Variants in ZPBP observed in about 807,000 individuals in gnomAD.
The protein encoded by ZPBP is zona pellucida-binding protein 1.
A neutral mutation model predicts 44.8 loss-of-function variants in ZPBP; 26 were observed. The observed-to-expected ratio is 0.58, with a 90% confidence interval of 0.43 to 0.81. The LOEUF (loss-of-function observed/expected upper bound fraction) is 0.81. Among genes scored for constraint, ZPBP ranks in the 30% least tolerant of loss-of-function variants. ZPBP has a pLI of 0.00. For missense variants in ZPBP, 409 were observed against 434.0 expected (o/e 0.94, Z 0.51); for synonymous variants, 174 against 153.2 (o/e 1.14, Z -1.00).
intron 6 of ZPBP, among the ~76,000 whole-genome samples, chr7:50,011,934 T>C (rs1798603039): frequency 6.6e-6 from 1 of 150,802 alleles, no homozygotes; most frequent in African/African-American, 2.4e-5. Flanking sequence ...AGAAGGCTGA[T>C]GCAGGACAAT....
At chr7:50,062,399 G>A (rs56178570) in intron 3 of ZPBP, among the ~76,000 whole-genome samples, 7,163 of 152,212 alleles carry the variant, frequency 0.047, 187 homozygotes, top group African/African-American at 0.067. Flanking sequence ...AAAGCCAGAG[G>A]TAACACACTA....
downstream of ZPBP, among the ~76,000 whole-genome samples, chr7:49,937,026 T>C (rs192528704): frequency 1.8e-3 from 267 of 152,240 alleles, 3 homozygotes; most frequent in African/African-American, 6.0e-3. Flanking sequence ...ACAGGGTGGT[T>C]GGAACTAGGC....
At chr7:49,941,873 G>A (rs2128753547) in intron 7 of ZPBP, among the ~76,000 whole-genome samples, 1 of 152,200 alleles carries the variant, frequency 6.6e-6, no homozygotes, top group East Asian at 1.9e-4. Flanking sequence ...CTACAAAGCT[G>A]CAATAATCAA....
chr7:49,855,177 T>G lies in ZPBP; in HGVS notation n.510-4663A>C, dbSNP rs903150251. Among the ~76,000 whole-genome samples, 5 of 152,232 alleles carry G rather than the reference T, an allele frequency of 3.3e-5. No homozygotes were observed. In the South Asian group the frequency reaches 1.0e-3, roughly 32 times the overall value. On this transcript the variant is annotated intron_variant and non_coding_transcript_variant, in intron 2 of 2. Coordinates refer to the ZPBP transcript ENST00000465922. The stretch of plus-strand genomic sequence containing the variant: ...TTAATAGTTAATGCAATTATCATAT[T>G]TCTTAGTTCCCAAAAGGCAAATCTT...
At chr7:50,033,981 C>T (rs1290990238) in intron 4 of ZPBP, among the ~76,000 whole-genome samples, 1 of 152,152 alleles carries the variant, frequency 6.6e-6, no homozygotes, top group Non-Finnish European at 1.5e-5. Flanking sequence ...GTGTAAGCCA[C>T]TGTGCCCGGC....
intron 2 of ZPBP, among the ~76,000 whole-genome samples, chr7:49,866,068 G>C (rs145028980): frequency 6.6e-6 from 1 of 152,224 alleles, no homozygotes; most frequent in East Asian, 1.9e-4. Flanking sequence ...CCAGTGGAGA[G>C]ATTAGAAATG....
At chr7:49,921,700 A>G (rs544795946) in intron 1 of ZPBP, 3 of 152,366 alleles carry the variant, frequency 2.0e-5, no homozygotes, top group Admixed American at 6.5e-5. Context: ...GAACATTTTG[A>G]AGATTCTAAT....
At chr7:49,889,817 G>T (rs980669683) in intron 2 of ZPBP, among the ~76,000 whole-genome samples, 1 of 152,066 alleles carries the variant, frequency 6.6e-6, no homozygotes, top group Admixed American at 6.5e-5. Context: ...GGTCTTTAAC[G>T]ATAACAAATA....
chr7:50,086,764 G>A (rs1802675614), intron 2 of ZPBP, among the ~76,000 whole-genome samples: 1 of 151,750 alleles, frequency 6.6e-6, no homozygotes, highest in East Asian at 1.9e-4. Flanking sequence ...GGGAGAGAGA[G>A]AAAAAGAATT....
chr7:49,980,116 T>A (rs1796754300), intron 7 of ZPBP, among the ~76,000 whole-genome samples: 1 of 103,316 alleles, frequency 9.7e-6, no homozygotes, highest in South Asian at 2.8e-4. Flanking sequence ...ATAATATAAT[T>A]TTATATTATA....
chr7:50,020,503 C>T (rs1799039599), intron 5 of ZPBP, among the ~76,000 whole-genome samples: 1 of 151,964 alleles, frequency 6.6e-6, no homozygotes, highest in South Asian at 2.1e-4. Context: ...TATATCCATC[C>T]CCACCATATC....
intron 2 of ZPBP, chr7:49,850,663 A>G (rs1261666574): frequency 1.3e-5 from 2 of 152,246 alleles, no homozygotes; most frequent in African/African-American, 4.8e-5. Flanking sequence ...AGGAGATGTA[A>G]TGCCATCTTC....
intron 7 of ZPBP, among the ~76,000 whole-genome samples, chr7:49,939,337 G>C (rs756754697): frequency 2.0e-5 from 3 of 152,080 alleles, no homozygotes; most frequent in Admixed American, 6.6e-5. Flanking sequence ...AAATAAATAT[G>C]ACTTTCTAGT....
chr7:50,091,612 TATTAG>T (rs1745977001), intron 1 of ZPBP, among the ~76,000 whole-genome samples: 1 of 152,234 alleles, frequency 6.6e-6, no homozygotes, highest in African/African-American at 2.4e-5. Flanking sequence ...CCATTTTCCT[TATTAG>T]ATTATAAGCT....
chr7:49,841,917 A>G, the ZPBP span, among the ~76,000 whole-genome samples: 3 of 152,038 alleles, frequency 2.0e-5, no homozygotes, highest in Non-Finnish European at 4.4e-5. Flanking sequence ...CCCAGACTGC[A>G]GTGCAATGGC....
intron 3 of ZPBP, among the ~76,000 whole-genome samples, chr7:50,072,369 T>C (rs972330055): frequency 2.0e-5 from 3 of 152,234 alleles, no homozygotes; most frequent in Non-Finnish European, 2.9e-5. Context: ...TAAGGTTTTT[T>C]ACTCTAGTCC....
chr7:49,892,211 ATT>A (rs1460487254), intron 2 of ZPBP, among the ~76,000 whole-genome samples: 1 of 150,224 alleles, frequency 6.7e-6, no homozygotes, highest in Non-Finnish European at 1.5e-5. Flanking sequence ...CGCCCGGCTA[ATT>A]TTTTTTGTAT....
Position 50,078,587 on chromosome 7 carries a change from T to C in ZPBP, c.334+3187A>G, listed in dbSNP as rs981703559. ...GAAAAATTTTTAAAAGACTTAAGTG[T>C]AAGACCTAAAACAATAAAAATACTA... On this transcript the variant is annotated intron_variant, in intron 3 of 7. Coordinates refer to ENST00000046087, the MANE Select transcript of ZPBP (RefSeq NM_007009.3). 4.0e-5 allele frequency among the ~76,000 whole-genome samples: 6 copies of C among 151,192 alleles called. No homozygotes were observed. The East Asian group carries it at 1.2e-3, about 29-fold the overall frequency.
At chr7:50,052,822 GA>G (rs1800758338) in intron 4 of ZPBP, among the ~76,000 whole-genome samples, 1 of 151,700 alleles carries the variant, frequency 6.6e-6, no homozygotes, top group African/African-American at 2.4e-5. Context: ...TTGGAAAAAT[GA>G]AAAAAAGTCA....
Sources: gnomAD v4.1 joint callset for allele counts (sites outside exome capture counted in the v4.1 genomes callset) on GRCh38, gnomAD v4.1.1 for gene constraint, MANE v1.5 for transcripts, NCBI Gene and HGNC (gene_info 2026-07-23, HGNC 2026-07-21) for gene names.